ZWINT: variants seen among roughly 807,000 people sequenced by gnomAD.
ZWINT encodes the protein outer kinetochore KNL1 complex subunit ZWINT.
ZWINT carries 41 observed loss-of-function variants against 41.5 expected under a neutral mutation model. That is an observed-to-expected ratio of 0.99 (90% CI 0.77 to 1.28). The LOEUF is 1.28. ZWINT is among the 50% of genes most tolerant of loss of function. The pLI, the probability that ZWINT is intolerant of heterozygous loss-of-function variation, is 0.00. For missense variants in ZWINT, 369 were observed against 329.7 expected, an observed-to-expected ratio of 1.12 and a Z score of -0.92; for synonymous variants, 132 against 126.8, an observed-to-expected ratio of 1.04 and a Z score of -0.28.
chr10:56,358,026 G>A lies in ZWINT; in HGVS notation c.*201C>T. The A allele has an allele frequency of 1.8e-6, 1 of 541,778 alleles. No homozygotes were observed. The highest frequency in any genetic ancestry group is 1.4e-5 in the South Asian group (1 of 71,224). 33.6% of individuals were successfully genotyped at this position (541,778 alleles called of 1,614,324 possible). ...AGTATCTGTATTAATAGTTGTTCCT[G>A]CCAGCATATGAAGATGAACAAATAC... On this transcript the variant is annotated 3_prime_UTR_variant, in exon 9 of 9. Coordinates refer to ENST00000373944, the MANE Select transcript of ZWINT (RefSeq NM_007057.4).
intron 1 of ZWINT, 88 bp downstream of exon 1, chr10:56,361,108 A>G (rs1589339009): frequency 1.4e-6 from 2 of 1,459,046 alleles, no homozygotes; most frequent in South Asian, 2.4e-5. Context: ...ACAGCTGTAC[A>G]GGGTCGAGGG....
In ZWINT at chr10:56,361,216, C is replaced by T. The variant is rs943859811; in HGVS notation, c.21G>A (p.Glu7=). ...CTTACTCTAGGGCTGCAGCTTCCGC[C>T]TCTGTCTCCGCTGCCTCCATCTTTC... MEAAET[E]AEAAALEVLA... The change falls in exon 1 of 9, where the codon GAG becomes GAA. Residue 7 remains glutamate (E), a synonymous_variant. Transcript: ENST00000373944. The T allele has an allele frequency of 3.8e-5, 62 of 1,612,986 alleles. No homozygotes were observed. Among genetic ancestry groups the T allele is most frequent in the Non-Finnish European group, 5.3e-5 (62 of 1,180,004 alleles).
intron 3 of ZWINT, 32 bp from the exon 4 acceptor site, chr10:56,359,885 G>A: frequency 3.1e-6 from 5 of 1,610,648 alleles, no homozygotes; most frequent in Non-Finnish European, 4.2e-6. Flanking sequence ...GAGTACATGA[G>A]TGAGGGTGGC....
rs1838283889 is a variant in ZWINT at position 56,359,986 on chromosome 10, T to TC, written c.256+31dup. 1.9e-6 allele frequency: 3 copies of TC among 1,611,886 alleles called. No individual in the cohort carries two copies. In the East Asian group the frequency reaches 6.7e-5, roughly 36 times the overall value. Reference sequence around the variant, plus strand: ...AATCCTCCTTCCTTCCCCACTCAGGTCAGCTGCTACTACAATCCCCTGCCT... The same window carrying TC: ...AATCCTCCTTCCTTCCCCACTCAGGTCCAGCTGCTACTACAATCCCCTGCCT... On this transcript the variant is annotated intron_variant, in intron 3 of 8. Coordinates refer to ENST00000373944, the MANE Select transcript of ZWINT (RefSeq NM_007057.4).
At position 56,357,781 on chromosome 10, in the gene ZWINT, C is replaced by A; in HGVS notation, c.*446G>T. The A allele has an allele frequency of 3.1e-6, 1 of 321,704 alleles. No homozygotes were observed. The highest frequency in any genetic ancestry group is 2.5e-5 in the South Asian group (1 of 39,230). The allele number at this position is 321,704 out of a possible 1,614,324, so 19.9% of individuals were successfully genotyped here. On this transcript the variant is annotated 3_prime_UTR_variant, in exon 9 of 9. Coordinates refer to ENST00000373944, the MANE Select transcript of ZWINT (RefSeq NM_007057.4). ...TGAGCTCACTGTTATAATTCTGGTT[C>A]ACCGCAAGAACCTTAGCACAAAGAA... is the stretch of plus-strand genomic sequence containing the variant.
At position 56,359,715 on chromosome 10, in the gene ZWINT, C is replaced by T. The variant is rs375736589; in HGVS notation, c.395G>A (p.Arg132Gln). The change falls in exon 4 of 9, where the codon CGG becomes CAG. Residue 132 changes from arginine to glutamine, a missense_variant. By Grantham distance (43) the Arg-to-Gln change is conservative (BLOSUM62 1). Transcript: ENST00000373944. ...EEAQRKRTQL[R>Q]EAFEQLQAKK... ...GGCCTGGAGCTGCTCAAAGGCTTCC[C>T]GGAGTTGTGTCCGTTTCCTCTGGGC... 2.6e-5 allele frequency: 42 copies of T among 1,614,062 alleles called. No homozygotes were observed. The highest frequency in any genetic ancestry group is 1.1e-4 in the East Asian group (5 of 44,878).
rs1446320637 is a variant in ZWINT at position 56,357,320 on chromosome 10, ACAAT to A, written c.*903_*906del. 6.6e-6 allele frequency: 1 copy of A among 152,176 alleles called. No homozygotes were observed. The highest frequency in any genetic ancestry group is 2.4e-5 in the African/African-American group (1 of 41,462). The allele number at this position is 152,176 out of a possible 1,614,324, so 9.4% of individuals were successfully genotyped here. A position where few individuals can be genotyped will look rare whatever the true frequency, so the allele number is the denominator to read the frequency against. On this transcript the variant is annotated 3_prime_UTR_variant, in exon 9 of 9. Transcript: ENST00000373944. ...CAAATTAAACTTAGATTATCTTCTC[ACAAT>A]CAATAGAAGACCAAATTATTTTTCA...
At chr10:56,360,992 G>A (rs1040332398) in intron 1 of ZWINT, among the ~76,000 whole-genome samples, 3 of 152,092 alleles carry the variant, frequency 2.0e-5, no homozygotes, top group Admixed American at 1.3e-4. Flanking sequence ...TGTGGGGAGC[G>A]GCGAACGGTC....
At position 56,358,596 on chromosome 10, in the gene ZWINT, G is replaced by A. The variant is rs137946307; in HGVS notation, c.752C>T (p.Thr251Ile). ...AGGGTCTCTCCCCATGGTGTCTCCTGTACTCTGCTCCTGGGGTCGAGTCGG... is the reference window on the plus strand; with the variant it reads ...AGGGTCTCTCCCCATGGTGTCTCCTATACTCTGCTCCTGGGGTCGAGTCGG... ...QQPTRPQEQS[T>I]GDTMGRDPGV... Residue 251 changes from threonine to isoleucine, a missense_variant, in exon 7 of 9, where the codon ACA becomes ATA. Thr to Ile is a moderately conservative substitution (Grantham distance 89). Coordinates refer to ENST00000373944, the MANE Select transcript of ZWINT (RefSeq NM_007057.4). The A allele has an allele frequency of 4.8e-5, 77 of 1,614,096 alleles. No homozygotes were observed. In the African/African-American group the frequency reaches 8.9e-4, roughly 19 times the overall value.
Position 56,359,867 on chromosome 10 carries a change from C to T in ZWINT, c.257-14G>A, listed in dbSNP as rs1838280019. The stretch of plus-strand genomic sequence containing the variant: ...TTGCCTTCTGTCCTGAGATGAGCCA[C>T]CAGGAATGAGTACATGAGTGAGGGT... On this transcript the variant is annotated splice_polypyrimidine_tract_variant and intron_variant, in intron 3 of 8. Transcript: ENST00000373944. The T allele has an allele frequency of 6.2e-7, 1 of 1,613,920 alleles. No homozygotes were observed. Among genetic ancestry groups the T allele is most frequent in the Non-Finnish European group, 8.5e-7 (1 of 1,179,940 alleles).
chr10:56,360,269 G>T, intron 2 of ZWINT, 24 bp downstream of exon 2: 1 of 1,613,622 alleles, frequency 6.2e-7, no homozygotes, highest in Non-Finnish European at 8.5e-7. Flanking sequence ...GCTTCTGAAA[G>T]GCTCGCTCTC....
chr10:56,361,068 A>C (rs1838321775), intron 1 of ZWINT, 128 bp downstream of exon 1: 3 of 1,005,310 alleles, frequency 3.0e-6, no homozygotes, highest in Non-Finnish European at 4.4e-6. Flanking sequence ...GACTGCGGTG[A>C]GGATCACTTC....
chr10:56,359,864 C>A lies in ZWINT; in HGVS notation c.257-11G>T, dbSNP rs1838279862. The A allele has an allele frequency of 1.2e-6, 2 of 1,613,906 alleles. No homozygotes were observed. Among genetic ancestry groups the A allele is most frequent in the South Asian group, 2.2e-5 (2 of 91,074 alleles). ...CAATTGCCTTCTGTCCTGAGATGAG[C>A]CACCAGGAATGAGTACATGAGTGAG... is the stretch of plus-strand genomic sequence containing the variant. On this transcript the variant is annotated splice_polypyrimidine_tract_variant and intron_variant, in intron 3 of 8. Coordinates refer to ENST00000373944, the MANE Select transcript of ZWINT (RefSeq NM_007057.4).
chr10:56,358,859 T>C lies in ZWINT; in HGVS notation c.569A>G (p.Gln190Arg), dbSNP rs949337648. The C allele has an allele frequency of 4.3e-6, 7 of 1,613,996 alleles. No homozygotes were observed. Among genetic ancestry groups the C allele is most frequent in the Non-Finnish European group, 5.9e-6 (7 of 1,180,024 alleles). ...GTQQELDRVF[Q>R]KLGNLKQQAE... Reference sequence around the variant, plus strand: ...CTGCTGCTTCAGGTTTCCAAGTTTCTGAAACACCCTGTCAAGCTCCTGCTG... The same window carrying C: ...CTGCTGCTTCAGGTTTCCAAGTTTCCGAAACACCCTGTCAAGCTCCTGCTG... Residue 190 changes from glutamine to arginine, a missense_variant, in exon 6 of 9, where the codon CAG becomes CGG. Physicochemically the swap from Gln to Arg is conservative, Grantham distance 43. Transcript: ENST00000373944.
At chr10:56,359,980 C>T (rs780683643) in intron 3 of ZWINT, 38 bp downstream of exon 3, 1 of 1,610,498 alleles carries the variant, frequency 6.2e-7, no homozygotes. Flanking sequence ...TCCTTCCCCA[C>T]TCAGGTCAGC....
chr10:56,357,406 T>G lies in ZWINT; in HGVS notation c.*821A>C, dbSNP rs930064216. ...ACAGAATATAGGAAATGCTATGAAT[T>G]GAATGATTGTGAAAATAAAGGAAGT... On this transcript the variant is annotated 3_prime_UTR_variant, in exon 9 of 9. Transcript: ENST00000373944. 6.6e-6 allele frequency: 1 copy of G among 152,142 alleles called. No homozygotes were observed. The highest frequency in any genetic ancestry group is 1.5e-5 in the Non-Finnish European group (1 of 68,012). The allele number at this position is 152,142 out of a possible 1,614,324, so 9.4% of individuals were successfully genotyped here.
chr10:56,359,522 G>T lies in ZWINT; in HGVS notation c.434C>A (p.Ala145Asp). The T allele has an allele frequency of 6.4e-7, 1 of 1,553,904 alleles. No individual in the cohort carries two copies. Among genetic ancestry groups the T allele is most frequent in the African/African-American group, 1.4e-5 (1 of 72,644 alleles). The part of the protein sequence containing the change: ...FEQLQAKKQM[A>D]MEKRRAVQNQ... The stretch of plus-strand genomic sequence containing the variant: ...CTGGACTGCTCTGCGTTTCTCCATG[G>T]CCATTTGTTTCTACAGATAAGCAAG... Residue 145 changes from alanine to aspartate, a missense_variant, in exon 5 of 9, where the codon GCC becomes GAC. By Grantham distance (126) the Ala-to-Asp change is moderately radical. Transcript: ENST00000373944.
Position 56,360,094 on chromosome 10 carries a change from C to A in ZWINT, c.180G>T (p.Ala60=). Residue 60 remains alanine (A), a synonymous_variant, in exon 3 of 9, where the codon GCG becomes GCT. Transcript: ENST00000373944. ...GAGCCAGGATGTTCTGCAGGAAATC[C>A]GCTACCTGAAGCTGGCTGCAGAGCA... The part of the protein sequence containing the change: ...DKLLCSQLQV[A]DFLQNILAQE... 6.2e-7 allele frequency: 1 copy of A among 1,614,136 alleles called. No individual in the cohort carries two copies. Among genetic ancestry groups the A allele is most frequent in the African/African-American group, 1.3e-5 (1 of 75,052 alleles).
chr10:56,357,905 G>T lies in ZWINT; in HGVS notation c.*322C>A. 2.7e-6 allele frequency: 1 copy of T among 368,802 alleles called. No homozygotes were observed. Among genetic ancestry groups the T allele is most frequent in the Admixed American group, 3.5e-5 (1 of 28,540 alleles). The allele number at this position is 368,802 out of a possible 1,614,324, so 22.8% of individuals were successfully genotyped here. A position where few individuals can be genotyped will look rare whatever the true frequency, so the allele number is the denominator to read the frequency against. ...CTCCTCCTTGAATTAAATTCACCAT[G>T]TCTGCATCATAGGAGGCCCAAGGCC... On this transcript the variant is annotated 3_prime_UTR_variant, in exon 9 of 9. Coordinates refer to ENST00000373944, the MANE Select transcript of ZWINT (RefSeq NM_007057.4).
Sources: gnomAD v4.1 joint callset for allele counts (sites outside exome capture counted in the v4.1 genomes callset) on GRCh38, gnomAD v4.1.1 for gene constraint, MANE v1.5 for transcripts, NCBI Gene and HGNC (gene_info 2026-07-23, HGNC 2026-07-21) for gene names.